EFHC2: variants seen among roughly 807,000 people sequenced by gnomAD.
EFHC2 encodes EF-hand domain containing 2.
A neutral mutation model predicts 52.7 loss-of-function variants in EFHC2; 18 were observed. That is an observed-to-expected ratio of 0.34 (90% CI 0.24 to 0.51). The LOEUF (loss-of-function observed/expected upper bound fraction) is 0.51. Ranked by LOEUF, EFHC2 falls within the 20% of genes least tolerant of loss-of-function variation. The pLI, the probability that EFHC2 is intolerant of heterozygous loss-of-function variation, is 0.97. For missense variants in EFHC2, 513 were observed against 562.5 expected, an observed-to-expected ratio of 0.91 and a Z score of 0.89; for synonymous variants, 203 against 204.1, an observed-to-expected ratio of 0.99 and a Z score of 0.04.
chrX:44,207,841 G>C (rs2037060634), intron 11 of EFHC2, among the ~76,000 whole-genome samples: 1 of 112,316 alleles, frequency 8.9e-6, no homozygotes, highest in Non-Finnish European at 1.9e-5. Context: ...CAAAGAACAT[G>C]AACAGACACT....
chrX:44,182,824 C>T, intron 11 of EFHC2, among the ~76,000 whole-genome samples: 1 of 111,503 alleles, frequency 9.0e-6, no homozygotes, highest in East Asian at 2.8e-4. Flanking sequence ...ATATTTTATA[C>T]AGTATAATAC....
At chrX:44,306,814 T>C (rs749062104) in intron 2 of EFHC2, among the ~76,000 whole-genome samples, 5 of 111,866 alleles carry the variant, frequency 4.5e-5, no homozygotes, top group African/African-American at 1.6e-4. Context: ...ATGTGATTTA[T>C]TAAGGGCAGA....
intron 13 of EFHC2, among the ~76,000 whole-genome samples, chrX:44,169,722 TACACAC>T (rs10642638): frequency 9.7e-6 from 1 of 102,915 alleles, no homozygotes; most frequent in Non-Finnish European, 2.0e-5. Context: ...TAGCTACACA[TACACAC>T]ACACACACAC....
chrX:44,196,654 CAA>C (rs1173425249), intron 11 of EFHC2, among the ~76,000 whole-genome samples: 1 of 112,024 alleles, frequency 8.9e-6, no homozygotes, highest in African/African-American at 3.2e-5. Context: ...GCCAAGATCT[CAA>C]AGTTGGTGGA....
Position 44,331,432 on chromosome X carries a change from G to A in EFHC2, c.42+12115C>T, listed in dbSNP as rs151249547. On this transcript the variant is annotated intron_variant, in intron 1 of 14. Transcript: ENST00000420999. ...TGTGGTTATAAAAGGACAACATGAG[G>A]AATCCCTGTGGTGATAAGACTGTTT... 8.3e-3 allele frequency among the ~76,000 whole-genome samples: 930 copies of A among 111,720 alleles called. 7 individuals are homozygous for A. Among genetic ancestry groups the A allele is most frequent in the African/African-American group, 0.028 (861 of 30,694 alleles).
intron 13 of EFHC2, among the ~76,000 whole-genome samples, chrX:44,175,542 C>T (rs899877035): frequency 8.9e-6 from 1 of 111,816 alleles, no homozygotes; most frequent in African/African-American, 3.2e-5. Context: ...GGCAAAATAC[C>T]TCATCTCTCT....
chrX:44,274,749 G>A (rs762811323), intron 2 of EFHC2, among the ~76,000 whole-genome samples: 1 of 110,353 alleles, frequency 9.1e-6, no homozygotes, highest in African/African-American at 3.3e-5. Flanking sequence ...AAAATTAGTC[G>A]GGCTTGGTTA....
At chrX:44,171,539 T>A (rs1472567094) in intron 13 of EFHC2, among the ~76,000 whole-genome samples, 2 of 111,231 alleles carry the variant, frequency 1.8e-5, no homozygotes, top group Admixed American at 9.6e-5. Flanking sequence ...CTGGTAAAAG[T>A]CGTCAAGGCC....
chrX:44,313,826 G>A lies in EFHC2; in HGVS notation c.43-1070C>T, dbSNP rs1268633657. 4.5e-5 allele frequency among the ~76,000 whole-genome samples: 5 copies of A among 110,524 alleles called. No homozygotes were observed. In the South Asian group the frequency reaches 1.2e-3, roughly 25 times the overall value. On this transcript the variant is annotated intron_variant, in intron 1 of 14. Coordinates refer to ENST00000420999, the MANE Select transcript of EFHC2 (RefSeq NM_025184.4). ...AAAAATTAGCCGGGCATGGTGGTGG[G>A]CACCTGTAATCCCAGCTACTTGGGA... is the stretch of plus-strand genomic sequence containing the variant.
At chrX:44,310,227 G>C (rs995365981) in intron 2 of EFHC2, 1 of 826,988 alleles carries the variant, frequency 1.2e-6, no homozygotes, top group Admixed American at 2.2e-5. Flanking sequence ...GTACTCGATG[G>C]GGAAGATGAC....
intron 11 of EFHC2, among the ~76,000 whole-genome samples, chrX:44,180,808 G>C (rs1476697340): frequency 1.8e-5 from 2 of 109,155 alleles, no homozygotes; most frequent in East Asian, 5.7e-4. Context: ...TTAAAAAAAA[G>C]AAGTTATGAT....
At position 44,148,226 on chromosome X, in the gene EFHC2, C is replaced by CGTGTGTGTGTGT. The variant is rs760013902; in HGVS notation, c.*568_*569insACACACACACAC. 6,219 of 94,690 alleles carry CGTGTGTGTGTGT rather than the reference C, an allele frequency of 0.066. 237 individuals are homozygous for CGTGTGTGTGTGT. Among genetic ancestry groups the CGTGTGTGTGTGT allele is most frequent in the African/African-American group, 0.14 (3,435 of 25,215 alleles). The allele number at this position is 94,690 out of a possible 1,213,427, so 7.8% of individuals were successfully genotyped here. On this transcript the variant is annotated 3_prime_UTR_variant, in exon 15 of 15. Transcript: ENST00000420999. ...TGCATATGTTTCCAGTGTGTGTGCACGTGCGTGTGTGTGTGTGTGTGTGTG... is the reference window on the plus strand; with the variant it reads ...TGCATATGTTTCCAGTGTGTGTGCACGTGTGTGTGTGTGTGCGTGTGTGTGTGTGTGTGTGTG...
intron 2 of EFHC2, among the ~76,000 whole-genome samples, chrX:44,282,441 TAAA>T (rs765313542): frequency 3.1e-5 from 2 of 65,369 alleles, no homozygotes; most frequent in Non-Finnish European, 3.0e-5. Context: ...CCGTCTCTAC[TAAA>T]AAAAAAAAAA....
intron 2 of EFHC2, among the ~76,000 whole-genome samples, chrX:44,293,443 A>G (rs1475227644): frequency 1.8e-5 from 2 of 110,958 alleles, no homozygotes; most frequent in Non-Finnish European, 3.8e-5. Flanking sequence ...CATCTTCATC[A>G]TCACCTTGAT....
chrX:44,237,492 C>G (rs2037329186), intron 8 of EFHC2, among the ~76,000 whole-genome samples: 1 of 111,410 alleles, frequency 9.0e-6, no homozygotes, highest in African/African-American at 3.3e-5. Flanking sequence ...TTATAAGTTC[C>G]TAGGTCAAGA....
intron 12 of EFHC2, 101 bp downstream of exon 12, chrX:44,178,266 A>G: frequency 1.3e-6 from 1 of 765,162 alleles, no homozygotes; most frequent in South Asian, 2.9e-5. Context: ...ATGATGACAC[A>G]TGTCTATTTT....
chrX:44,305,999 C>G (rs2037902924), intron 2 of EFHC2, among the ~76,000 whole-genome samples: 2 of 111,419 alleles, frequency 1.8e-5, no homozygotes, highest in Non-Finnish European at 1.9e-5. Flanking sequence ...GTGCTTGGAC[C>G]AAGGAACAGG....
intron 2 of EFHC2, among the ~76,000 whole-genome samples, chrX:44,303,968 A>G (rs2037885913): frequency 8.9e-6 from 1 of 112,656 alleles, no homozygotes; most frequent in African/African-American, 3.2e-5. Flanking sequence ...GCTAACTAGG[A>G]GCTGTTGACA....
rs1202638851 is a variant in EFHC2 at position 44,231,266 on chromosome X, C to T, written c.1620+1215G>A. Reference sequence around the variant, plus strand: ...TTCACACAGAGTTCACAGGCAATGTCGCTGCTGGGGCCACACTCTCCCCAA... The same window carrying T: ...TTCACACAGAGTTCACAGGCAATGTTGCTGCTGGGGCCACACTCTCCCCAA... On this transcript the variant is annotated intron_variant, in intron 10 of 14. Transcript: ENST00000420999. Among the ~76,000 whole-genome samples the T allele has an allele frequency of 3.6e-5, 4 of 111,640 alleles. No homozygotes were observed. The East Asian group carries it at 8.5e-4, about 24-fold the overall frequency.
Sources: allele counts gnomAD v4.1 joint callset (sites outside exome capture counted in the v4.1 genomes callset), GRCh38; gene constraint gnomAD v4.1.1; transcripts MANE v1.5; gene names NCBI Gene and HGNC (gene_info 2026-07-23, HGNC 2026-07-21).